The following LTA4H variants were observed in gnomAD, a reference collection of about 807,000 sequenced individuals.
LTA4H encodes the protein leukotriene A-4 hydrolase.
Under a neutral mutation model 89.8 loss-of-function variants are expected in LTA4H, and 59 were observed. The ratio of observed to expected loss-of-function variants is 0.66; its 90% CI spans 0.53 to 0.82. LTA4H has a LOEUF of 0.82. LTA4H is among the 40% of genes least tolerant of loss of function. The pLI is 0.00. For missense variants in LTA4H, 617 were observed against 727.0 expected (o/e 0.85, Z 1.74); for synonymous variants, 227 against 253.1 (o/e 0.90, Z 0.98).
intron 1 of LTA4H, among the ~76,000 whole-genome samples, chr12:96,033,477 G>A (rs1156587770): frequency 6.6e-6 from 1 of 152,170 alleles, no homozygotes; most frequent in Admixed American, 6.5e-5. Flanking sequence ...GTCCTGAATT[G>A]CTTAATTTTT....
rs1566012157 is a variant in LTA4H at position 96,021,139 on chromosome 12, T to C, written c.586-2A>G. Reference sequence around the variant, plus strand: ...AATCAGGTAGCAGGGTATTGGAACCTAAAGAGGGCAAACAAACGCACACCA... The same window carrying C: ...AATCAGGTAGCAGGGTATTGGAACCCAAAGAGGGCAAACAAACGCACACCA... On this transcript the variant is annotated splice_acceptor_variant, in intron 5 of 18. Transcript: ENST00000228740. LOFTEE classifies it high-confidence loss of function. 2.5e-6 allele frequency: 4 copies of C among 1,591,390 alleles called. No individual in the cohort carries two copies. Among genetic ancestry groups the C allele is most frequent in the Non-Finnish European group, 3.4e-6 (4 of 1,173,350 alleles).
At chr12:96,017,635 A>G in intron 8 of LTA4H, 55 bp from the exon 9 acceptor site, 3 of 1,284,830 alleles carry the variant, frequency 2.3e-6, no homozygotes, top group Non-Finnish European at 3.4e-6. Context: ...CAGACTATCT[A>G]AAAGACTGCC....
Position 96,018,923 on chromosome 12 carries a change from A to T in LTA4H, c.712-20T>A, listed in dbSNP as rs752674471. The T allele has an allele frequency of 6.4e-7, 1 of 1,554,382 alleles. No individual in the cohort carries two copies. Among genetic ancestry groups the T allele is most frequent in the South Asian group, 1.2e-5 (1 of 82,136 alleles). ...TTCAGTCTGAAAAATCAACATATAT[A>T]TGTCTGTATGCCTTAATTATCACCA... On this transcript the variant is annotated intron_variant, in intron 7 of 18. Coordinates refer to ENST00000228740, the MANE Select transcript of LTA4H (RefSeq NM_000895.3).
intron 3 of LTA4H, 115 bp downstream of exon 3, chr12:96,027,329 A>G (rs1486047533): frequency 1.2e-6 from 1 of 835,552 alleles, no homozygotes; most frequent in South Asian, 2.2e-5. Flanking sequence ...AGATCAATTA[A>G]TACATTTTAT....
In LTA4H at chr12:96,029,158, C is replaced by A; in HGVS notation, c.187G>T (p.Glu63Ter). 6.4e-7 allele frequency: 1 copy of A among 1,567,452 alleles called. No individual in the cohort carries two copies. The highest frequency in any genetic ancestry group is 8.7e-7 in the Non-Finnish European group (1 of 1,146,490). ...TCTTGTCCATTGATCACTACTTTTT[C>A]TATTGTAAGGTCCTTTGTATCCAAA... ...LVLDTKDLTI[E>*]KVVINGQEVK... The change falls in exon 2 of 19, where the codon GAA (glutamate) becomes TAA (stop). Residue 63 changes from glutamate to a stop codon, truncating the protein, a stop_gained. Coordinates refer to ENST00000228740, the MANE Select transcript of LTA4H (RefSeq NM_000895.3). LOFTEE classifies it high-confidence loss of function.
chr12:96,025,544 C>T (rs148644996), intron 3 of LTA4H: 1 of 152,334 alleles, frequency 6.6e-6, no homozygotes, highest in East Asian at 1.9e-4. Flanking sequence ...TCCAGTATGA[C>T]CACAGGCCAG....
chr12:96,011,337 C>G (rs1466686284), intron 14 of LTA4H: 2 of 152,216 alleles, frequency 1.3e-5, no homozygotes, highest in Non-Finnish European at 1.5e-5. Flanking sequence ...CTACAGCACA[C>G]CAGACTGCTG....
rs987006159 is a variant in LTA4H at position 96,017,065 on chromosome 12, T to C, written c.926A>G (p.Asn309Ser). The C allele has an allele frequency of 1.9e-6, 3 of 1,612,248 alleles. No individual in the cohort carries two copies. The highest frequency in any genetic ancestry group is 1.1e-5 in the South Asian group (1 of 91,006). The change falls in exon 10 of 19, where the codon AAC becomes AGC. Residue 309 changes from asparagine to serine, a missense_variant. Physicochemically the swap from Asn to Ser is conservative, Grantham distance 46. Transcript: ENST00000228740. ...TTACCAAAAGTGATCCCAAGTTTTG[T>C]TGGTCACTAGATTCCCTGTCCAGCT... ...SHSWTGNLVT[N>S]KTWDHFWLNE...
intron 2 of LTA4H, 54 bp downstream of exon 2, chr12:96,028,998 TAAG>T: frequency 1.4e-6 from 2 of 1,398,688 alleles, no homozygotes; most frequent in Non-Finnish European, 1.9e-6. Context: ...TTAAATTAGT[TAAG>T]AATATGTTTC....
chr12:96,017,682 C>A, intron 8 of LTA4H, 102 bp from the exon 9 acceptor site: 2 of 776,604 alleles, frequency 2.6e-6, no homozygotes, highest in Non-Finnish European at 4.4e-6. Flanking sequence ...TGGTGATCCA[C>A]TGTATTTCTA....
chr12:96,041,916 C>T (rs1950689583), intron 1 of LTA4H, among the ~76,000 whole-genome samples: 1 of 152,008 alleles, frequency 6.6e-6, no homozygotes, highest in African/African-American at 2.4e-5. Context: ...GCTGGGATTA[C>T]AGGCGTGAGC....
chr12:96,007,777 C>T (rs186561733), intron 15 of LTA4H, among the ~76,000 whole-genome samples: 1 of 152,254 alleles, frequency 6.6e-6, no homozygotes, highest in Admixed American at 6.5e-5. Context: ...AGCTGGAATA[C>T]ATTTTTCAAA....
chr12:96,011,613 T>C (rs912877948), intron 14 of LTA4H: 1 of 152,220 alleles, frequency 6.6e-6, no homozygotes, highest in Non-Finnish European at 1.5e-5. Context: ...TTTCATTGTA[T>C]TATAATTACT....
rs374769337 is a variant in LTA4H, at chr12:96,022,294, T to G, written c.481-43A>C. ...TCATTTCTAGTCATAAATAAAAGCTTCTATGTGTCTTAAACCATATATGTA... is the reference window on the plus strand; with the variant it reads ...TCATTTCTAGTCATAAATAAAAGCTGCTATGTGTCTTAAACCATATATGTA... On this transcript the variant is annotated intron_variant, in intron 4 of 18. Coordinates refer to ENST00000228740, the MANE Select transcript of LTA4H (RefSeq NM_000895.3). The surrounding 1 kb of genome is among the most constrained non-coding windows in gnomAD (Gnocchi z 4.0). 2.0e-5 allele frequency: 26 copies of G among 1,276,038 alleles called. No homozygotes were observed. In the African/African-American group the frequency reaches 3.7e-4, roughly 18 times the overall value. The allele number at this position is 1,276,038 out of a possible 1,614,324, so 79.0% of individuals were successfully genotyped here.
rs758752506 is a variant in LTA4H, at chr12:96,027,484, G to C, written c.371C>G (p.Thr124Ser). The C allele has an allele frequency of 1.2e-5, 19 of 1,610,552 alleles. No homozygotes were observed. The highest frequency in any genetic ancestry group is 1.4e-5 in the Non-Finnish European group (17 of 1,178,472). ...SALQWLTPEQ[T>S]SGKEHPYLFS... is the part of the protein sequence containing the mutation. ...GAGATATGGGTGTTCCTTCCCAGAA[G>C]TCTGTTCAGGAGTGAGCCACTGGAG... is the stretch of plus-strand genomic sequence containing the variant. Residue 124 changes from threonine (T) to serine (S), a missense_variant, in exon 3 of 19, where the codon ACT becomes AGT. Thr to Ser is a moderately conservative substitution (Grantham distance 58, BLOSUM62 1). Around this residue, in one of 3 missense-constraint regions of LTA4H, gnomAD observed 172 missense variants for 244.5 expected, o/e 0.70. Coordinates refer to ENST00000228740, the MANE Select transcript of LTA4H (RefSeq NM_000895.3).
chr12:96,026,257 C>T (rs543032538), intron 3 of LTA4H, among the ~76,000 whole-genome samples: 1 of 152,126 alleles, frequency 6.6e-6, no homozygotes, highest in Non-Finnish European at 1.5e-5. Context: ...AAGGCCAAAC[C>T]CAGGCAAATA....
rs777454154 is a variant in LTA4H, at chr12:96,018,940, T to C, written c.712-37A>G. ...ACATATATATGTCTGTATGCCTTAA[T>C]TATCACCATTGTACATTTCTTAAAA... On this transcript the variant is annotated intron_variant, in intron 7 of 18. Transcript: ENST00000228740. The C allele has an allele frequency of 4.0e-6, 6 of 1,509,160 alleles. No homozygotes were observed. The South Asian group carries it at 7.7e-5, about 19-fold the overall frequency. The allele number at this position is 1,509,160 out of a possible 1,614,324, so 93.5% of individuals were successfully genotyped here. A position where few individuals can be genotyped will look rare whatever the true frequency, so the allele number is the denominator to read the frequency against.
At chr12:96,018,075 C>T (rs865997967) in intron 8 of LTA4H, among the ~76,000 whole-genome samples, 1 of 152,010 alleles carries the variant, frequency 6.6e-6, no homozygotes, top group African/African-American at 2.4e-5. Flanking sequence ...CTTTCCTGTA[C>T]ATGGTGTACT....
At chr12:96,021,644 C>T (rs1235665445) in intron 5 of LTA4H, among the ~76,000 whole-genome samples, 1 of 150,710 alleles carries the variant, frequency 6.6e-6, no homozygotes, top group African/African-American at 2.5e-5. Context: ...GTCAAATTAT[C>T]CATTGTGAGG....
Sources: gnomAD v4.1 joint callset for allele counts (sites outside exome capture counted in the v4.1 genomes callset) on GRCh38, gnomAD v4.1.1 for gene constraint, gnomAD v4.1.1 regional missense constraint, Gnocchi (gnomAD v3.1) non-coding constraint, MANE v1.5 for transcripts, NCBI Gene and HGNC (gene_info 2026-07-23, HGNC 2026-07-21) for gene names.